GK5: variants seen among roughly 807,000 people sequenced by gnomAD.
GK5 encodes the protein glycerol kinase 5.
In GK5, 39 loss-of-function variants were observed where a neutral mutation model predicts 77.3. The ratio of observed to expected loss-of-function variants is 0.50; its 90% CI spans 0.39 to 0.66. The LOEUF (loss-of-function observed/expected upper bound fraction) is 0.66. Ranked by LOEUF, GK5 falls within the 30% of genes least tolerant of loss-of-function variation. The pLI is 0.00. For synonymous variants in GK5, 211 were observed against 208.0 expected, an observed-to-expected ratio of 1.01 and a Z score of -0.13; for missense variants, 487 against 633.8, an observed-to-expected ratio of 0.77 and a Z score of 2.49.
intron 1 of GK5, among the ~76,000 whole-genome samples, chr3:142,221,411 C>A (rs912112501): frequency 3.3e-5 from 5 of 152,214 alleles, no homozygotes; most frequent in African/African-American, 7.2e-5. Context: ...CACTTCCCCC[C>A]ACTTTACCAA....
chr3:142,198,197 A>G (rs1176482315), intron 5 of GK5, among the ~76,000 whole-genome samples: 1 of 152,256 alleles, frequency 6.6e-6, no homozygotes. Flanking sequence ...TGGTAAAATC[A>G]TACATTGAAC....
Position 142,164,002 on chromosome 3 carries a change from A to G in GK5, c.*1620T>C, listed in dbSNP as rs570789959. On this transcript the variant is annotated 3_prime_UTR_variant, in exon 16 of 16. Coordinates refer to ENST00000392993, the MANE Select transcript of GK5 (RefSeq NM_001039547.3). ...AATGAAAAGAATAAGATTTATCTAC[A>G]TAATGAAGTTTGACTTTTTACAGTA... The G allele has an allele frequency of 6.6e-6, 1 of 152,326 alleles. No homozygotes were observed. Among genetic ancestry groups the G allele is most frequent in the Admixed American group, 6.5e-5 (1 of 15,302 alleles). The allele number at this position is 152,326 out of a possible 1,614,324, so 9.4% of individuals were successfully genotyped here.
intron 3 of GK5, among the ~76,000 whole-genome samples, chr3:142,212,272 G>GAAAC (rs1394676300): frequency 2.0e-5 from 3 of 152,036 alleles, no homozygotes; most frequent in Non-Finnish European, 2.9e-5. Flanking sequence ...AAGACACAGA[G>GAAAC]AAACACATGC....
rs981847693 is a variant in GK5 at position 142,198,827 on chromosome 3, A to G, written c.518T>C (p.Val173Ala). Residue 173 changes from valine (V) to alanine (A), a missense_variant, in exon 5 of 16, where the codon GTC becomes GCC. Coordinates refer to ENST00000392993, the MANE Select transcript of GK5 (RefSeq NM_001039547.3). ...CTCAGTCAAGTTCTGTAAAATCCAG[A>G]CCAATCTCAAAGAAGTCTGCTGGGT... Reference protein sequence around the residue: ...FTTQQTSLRLVWILQNLTEVQ... With the variant: ...FTTQQTSLRLAWILQNLTEVQ... 7 of 1,612,508 alleles carry G rather than the reference A, an allele frequency of 4.3e-6. No individual in the cohort carries two copies. The Admixed American group carries it at 1.0e-4, about 23-fold the overall frequency.
In GK5 at chr3:142,157,567, A is replaced by G. The variant is rs2063392178; in HGVS notation, c.*8055T>C. ...GCTTTAATATACCAACGTACAGATT[A>G]TTCAGTTCCATTGTAATTTCCCAAA... is the stretch of plus-strand genomic sequence containing the variant. On this transcript the variant is annotated 3_prime_UTR_variant, in exon 16 of 16. Transcript: ENST00000392993. 6.6e-6 allele frequency: 1 copy of G among 152,248 alleles called. No homozygotes were observed. Among genetic ancestry groups the G allele is most frequent in the African/African-American group, 2.4e-5 (1 of 41,464 alleles). 9.4% of individuals were successfully genotyped at this position (152,248 alleles called of 1,614,324 possible). A position where few individuals can be genotyped will look rare whatever the true frequency, so the allele number is the denominator to read the frequency against.
At chr3:142,206,444 A>G (rs2064108704) in intron 3 of GK5, among the ~76,000 whole-genome samples, 1 of 152,078 alleles carries the variant, frequency 6.6e-6, no homozygotes, top group African/African-American at 2.4e-5. Flanking sequence ...TTTTTTTAAA[A>G]TTCTCACCAT....
At chr3:142,176,111 A>G (rs1045718650) in intron 12 of GK5, among the ~76,000 whole-genome samples, 35 of 152,194 alleles carry the variant, frequency 2.3e-4, no homozygotes, top group African/African-American at 7.0e-4. Flanking sequence ...ATCATCCTGA[A>G]GAGGATGCAA....
intron 4 of GK5, among the ~76,000 whole-genome samples, chr3:142,201,933 A>AG (rs2064031326): frequency 6.6e-6 from 1 of 152,176 alleles, no homozygotes; most frequent in Non-Finnish European, 1.5e-5. Context: ...TAAGAGATTG[A>AG]GGGCAAGGGG....
At chr3:142,203,021 A>G (rs2064050271) in intron 4 of GK5, among the ~76,000 whole-genome samples, 2 of 152,244 alleles carry the variant, frequency 1.3e-5, no homozygotes, top group Non-Finnish European at 2.9e-5. Flanking sequence ...TTTCAAAGCA[A>G]TAAAAGTGTT....
intron 1 of GK5, among the ~76,000 whole-genome samples, chr3:142,216,358 T>C (rs1211489401): frequency 1.3e-5 from 2 of 152,072 alleles, no homozygotes; most frequent in African/African-American, 4.8e-5. Flanking sequence ...AGATCTCCCA[T>C]TTTTCTTTTT....
intron 1 of GK5, among the ~76,000 whole-genome samples, chr3:142,223,260 A>G (rs1334133362): frequency 1.3e-5 from 2 of 152,210 alleles, no homozygotes; most frequent in African/African-American, 4.8e-5. Flanking sequence ...GGTTCCAAAT[A>G]TTTCAATTCC....
At position 142,213,537 on chromosome 3, in the gene GK5, A is replaced by G. The variant is rs1423944406; in HGVS notation, c.306T>C (p.Ile102=). The change falls in exon 3 of 16, where the codon ATT becomes ATC. Residue 102 remains isoleucine (I), a synonymous_variant. Coordinates refer to ENST00000392993, the MANE Select transcript of GK5 (RefSeq NM_001039547.3). ...CAGAATGTACTTACTTGTTCCACGT[A>G]ATAAAAGTTGCTCTCTGTGTTGAAA... is the stretch of plus-strand genomic sequence containing the variant. ...LGISTQRATF[I]TWNKKTGNHF... 6 of 1,602,868 alleles carry G rather than the reference A, an allele frequency of 3.7e-6. No homozygotes were observed. The Admixed American group carries it at 8.3e-5, about 22-fold the overall frequency.
intron 5 of GK5, among the ~76,000 whole-genome samples, chr3:142,193,113 T>C (rs1004708715): frequency 1.3e-5 from 2 of 152,152 alleles, no homozygotes; most frequent in East Asian, 3.8e-4. Flanking sequence ...AATGTTTCCA[T>C]ATTGGTTCAT....
intron 11 of GK5, among the ~76,000 whole-genome samples, chr3:142,180,232 C>A (rs1255067231): frequency 2.0e-5 from 3 of 152,136 alleles, no homozygotes; most frequent in Non-Finnish European, 1.5e-5. Context: ...TGACAGCAGA[C>A]AGAGCAGCAG....
chr3:142,186,346 G>T, intron 7 of GK5, 79 bp from the exon 8 acceptor site: 2 of 991,558 alleles, frequency 2.0e-6, no homozygotes, highest in East Asian at 2.5e-5. Flanking sequence ...ACATCATGTT[G>T]TACATGATAT....
intron 5 of GK5, among the ~76,000 whole-genome samples, chr3:142,197,120 G>C (rs879808371): frequency 1.3e-5 from 2 of 151,988 alleles, no homozygotes; most frequent in Admixed American, 1.3e-4. Context: ...CTGGGAGCTG[G>C]AGCTCGCAGT....
Position 142,157,902 on chromosome 3 carries a change from T to C in GK5, c.*7720A>G, listed in dbSNP as rs936994368. On this transcript the variant is annotated 3_prime_UTR_variant, in exon 16 of 16. Transcript: ENST00000392993. ...CCAAGTTTACCTAGAGTCACAATTG[T>C]AGTTAACAAGTGCTATTTCTCTGGT... is the stretch of plus-strand genomic sequence containing the variant. The C allele has an allele frequency of 6.6e-6, 1 of 152,042 alleles. No homozygotes were observed. The highest frequency in any genetic ancestry group is 1.5e-5 in the Non-Finnish European group (1 of 67,988). 9.4% of individuals were successfully genotyped at this position (152,042 alleles called of 1,614,324 possible). A position where few individuals can be genotyped will look rare whatever the true frequency, so the allele number is the denominator to read the frequency against.
chr3:142,168,585 T>A (rs1285169992), intron 15 of GK5, among the ~76,000 whole-genome samples: 1 of 152,176 alleles, frequency 6.6e-6, no homozygotes, highest in Non-Finnish European at 1.5e-5. Context: ...ATTAAAATAC[T>A]CTGAGTATCC....
chr3:142,193,086 T>G (rs535219384), intron 5 of GK5, among the ~76,000 whole-genome samples: 14 of 152,300 alleles, frequency 9.2e-5, no homozygotes, highest in African/African-American at 3.4e-4. Flanking sequence ...CAATGGTAGA[T>G]ACATTACATT....
Sources: gnomAD v4.1 joint callset for allele counts (sites outside exome capture counted in the v4.1 genomes callset) on GRCh38, gnomAD v4.1.1 for gene constraint, MANE v1.5 for transcripts, NCBI Gene and HGNC (gene_info 2026-07-23, HGNC 2026-07-21) for gene names.